TRPM1: variants seen among roughly 807,000 people sequenced by gnomAD.
The protein encoded by TRPM1 is transient receptor potential cation channel subfamily M member 1.
A neutral mutation model predicts 149.4 loss-of-function variants in TRPM1; 113 were observed. The ratio of observed to expected loss-of-function variants is 0.76; its 90% CI spans 0.65 to 0.88. The LOEUF (loss-of-function observed/expected upper bound fraction) is 0.88, where lower values mean the gene tolerates loss of function less well. Among genes scored for constraint, TRPM1 ranks in the 40% least tolerant of loss-of-function variants. The pLI, the probability that TRPM1 is intolerant of heterozygous loss-of-function variation, is 0.00. For missense variants in TRPM1, 1,976 were observed against 2,038.7 expected, an observed-to-expected ratio of 0.97 and a Z score of 0.59; for synonymous variants, 741 against 759.5, an observed-to-expected ratio of 0.98 and a Z score of 0.40.
chr15:31,047,869 T>C lies in TRPM1; in HGVS notation c.1623+20A>G, dbSNP rs1346108279. The C allele has an allele frequency of 5.6e-6, 9 of 1,603,320 alleles. No homozygotes were observed. The highest frequency in any genetic ancestry group is 1.7e-5 in the Admixed American group (1 of 60,008). On this transcript the variant is annotated intron_variant, in intron 14 of 27. Coordinates refer to ENST00000256552, the MANE Select transcript of TRPM1 (RefSeq NM_001252024.2). The stretch of plus-strand genomic sequence containing the variant: ...TGTGAAAGATGCCAACAGGTAAGAA[T>C]TGTAAAACAGTAGACTGACCTTTTT...
chr15:31,026,108 C>A, intron 27 of TRPM1, 31 bp downstream of exon 27: 1 of 1,608,128 alleles, frequency 6.2e-7, no homozygotes, highest in South Asian at 1.1e-5. Context: ...ACCCTTGGCT[C>A]ACGGGCCCGC....
In TRPM1 at chr15:31,002,172, T is replaced by A. The variant is rs772139291; in HGVS notation, c.4528A>T (p.Ile1510Phe). 6.2e-7 allele frequency: 1 copy of A among 1,614,080 alleles called. No individual in the cohort carries two copies. Among genetic ancestry groups the A allele is most frequent in the South Asian group, 1.1e-5 (1 of 91,088 alleles). ...GCTTGCACTGCAGCTTCCGACACAA[T>A]GTAAGGAATATCTGTGCTATGAGAG... is the stretch of plus-strand genomic sequence containing the variant. ...TRSHSTDIPYIVSEAAVQAEH... is the reference protein window; with the variant it reads ...TRSHSTDIPYFVSEAAVQAEH... The change falls in exon 28 of 28, where the codon ATT becomes TTT. Residue 1510 changes from isoleucine (I) to phenylalanine (F), a missense_variant. By Grantham distance (21) the Ile-to-Phe change is conservative. This residue lies in a region of TRPM1 where 572 missense variants were observed against 578.9 expected (regional missense o/e 0.99). Coordinates refer to ENST00000256552, the MANE Select transcript of TRPM1 (RefSeq NM_001252024.2).
chr15:31,042,331 TG>T, intron 16 of TRPM1, 88 bp from the exon 17 acceptor site: 11 of 1,397,856 alleles, frequency 7.9e-6, no homozygotes, highest in South Asian at 1.2e-5. Flanking sequence ...GAACCCTTTC[TG>T]TCAGAGGTAA....
chr15:31,039,497 A>G (rs758111679), intron 18 of TRPM1, among the ~76,000 whole-genome samples: 1 of 152,190 alleles, frequency 6.6e-6, no homozygotes, highest in Non-Finnish European at 1.5e-5. Flanking sequence ...TAAAATAGAT[A>G]TAATACTGCC....
Position 31,042,153 on chromosome 15 carries a change from G to T in TRPM1, c.1885C>A (p.Arg629=). The T allele has an allele frequency of 6.2e-7, 1 of 1,614,144 alleles. No individual in the cohort carries two copies. Among genetic ancestry groups the T allele is most frequent in the Non-Finnish European group, 8.5e-7 (1 of 1,180,018 alleles). ...AGCTCGTGGAAGGGATACTGGAACC[G>T]ACTCACGGCAGGGTCGTCCACATCA... ...DIDVDDPAVS[R]FQYPFHELMV... Residue 629 remains arginine, a synonymous_variant, in exon 17 of 28, where the codon CGG becomes AGG. Transcript: ENST00000256552.
intron 9 of TRPM1, among the ~76,000 whole-genome samples, chr15:31,061,911 C>T (rs1596028565): frequency 1.3e-5 from 2 of 152,294 alleles, no homozygotes; most frequent in South Asian, 2.1e-4. Context: ...CGGTCTCAAA[C>T]TCCTGACCTC....
chr15:31,071,982 T>C (rs1450044259), intron 3 of TRPM1, among the ~76,000 whole-genome samples: 16 of 67,142 alleles, frequency 2.4e-4, no homozygotes, highest in African/African-American at 9.6e-4. Context: ...AAAAAAAACA[T>C]ATATATATAT....
chr15:31,152,217 T>C (rs756677373), intron 1 of TRPM1, among the ~76,000 whole-genome samples: 2 of 152,228 alleles, frequency 1.3e-5, no homozygotes, highest in African/African-American at 2.4e-5. Context: ...TGCTCAGGCA[T>C]GGGCATGGAT....
At chr15:31,012,654 T>C (rs928024304) in intron 27 of TRPM1, among the ~76,000 whole-genome samples, 1 of 152,202 alleles carries the variant, frequency 6.6e-6, no homozygotes, top group Non-Finnish European at 1.5e-5. Flanking sequence ...ATTCGTATCT[T>C]TCATTAAATT....
intron 1 of TRPM1, among the ~76,000 whole-genome samples, chr15:31,087,179 A>G (rs1204503236): frequency 6.6e-6 from 1 of 151,374 alleles, no homozygotes; most frequent in Non-Finnish European, 1.5e-5. Flanking sequence ...TTCCTCGAAA[A>G]TGAAACACAG....
intron 1 of TRPM1, among the ~76,000 whole-genome samples, chr15:31,155,793 G>C (rs2036365649): frequency 6.6e-6 from 1 of 152,062 alleles, no homozygotes; most frequent in South Asian, 2.1e-4. Context: ...TAAGGGACTG[G>C]GGAGTCATGC....
Position 31,042,197 on chromosome 15 carries a change from T to A in TRPM1, c.1841A>T (p.Lys614Met), listed in dbSNP as rs767619856. 3.7e-6 allele frequency: 6 copies of A among 1,608,638 alleles called. No homozygotes were observed. Among genetic ancestry groups the A allele is most frequent in the Non-Finnish European group, 5.1e-6 (6 of 1,177,406 alleles). The change falls in exon 17 of 28, where the codon AAG becomes ATG. Residue 614 changes from lysine (K) to methionine (M), a missense_variant. Physicochemically the swap from Lys to Met is moderately conservative, Grantham distance 95. Transcript: ENST00000256552. ...AKGKKKKKKK[K>M]EEEIDIDVDD... ...CACATCAATGTCGATCTCTTCCTCC[T>A]TTTTCTTCTTTTTCTTTTTCTTCCC...
At chr15:31,091,322 G>C (rs2035231355) in intron 1 of TRPM1, among the ~76,000 whole-genome samples, 1 of 152,242 alleles carries the variant, frequency 6.6e-6, no homozygotes, top group African/African-American at 2.4e-5. Context: ...CAAGGCTTTT[G>C]CAAGTATTTG....
chr15:31,111,790 T>C (rs1207504628), intron 1 of TRPM1, among the ~76,000 whole-genome samples: 1 of 152,184 alleles, frequency 6.6e-6, no homozygotes, highest in Non-Finnish European at 1.5e-5. Context: ...AGTCTTCAAG[T>C]TGATCTCCTG....
At chr15:31,046,162 G>C (rs1365626852) in intron 16 of TRPM1, 42 bp downstream of exon 16, 1 of 1,600,320 alleles carries the variant, frequency 6.2e-7, no homozygotes, top group Non-Finnish European at 8.6e-7. Context: ...ATGTATATTT[G>C]ACCAGGATAT....
At chr15:31,043,413 C>T (rs878860696) in intron 16 of TRPM1, among the ~76,000 whole-genome samples, 1 of 151,910 alleles carries the variant, frequency 6.6e-6, no homozygotes, top group East Asian at 1.9e-4. Flanking sequence ...AGGATGGTCT[C>T]GATCTCCTGA....
At chr15:31,140,983 A>G (rs1417682348) in intron 1 of TRPM1, among the ~76,000 whole-genome samples, 1 of 149,552 alleles carries the variant, frequency 6.7e-6, no homozygotes, top group Non-Finnish European at 1.5e-5. Context: ...CACTGCATCC[A>G]GCTAATTTTT....
intron 27 of TRPM1, among the ~76,000 whole-genome samples, chr15:31,025,790 C>A (rs1004730720): frequency 6.6e-6 from 1 of 152,202 alleles, no homozygotes; most frequent in South Asian, 2.1e-4. Flanking sequence ...GAGGACCATG[C>A]TCGCAAAGGG....
chr15:31,161,024 G>A (rs919034184), exon 1 of TRPM1: 3 of 1,487,658 alleles, frequency 2.0e-6, no homozygotes, highest in Admixed American at 2.0e-5. Context: ...GTGGCACAGG[G>A]GCTGCCCTCC....
Sources: gnomAD v4.1 joint callset for allele counts (sites outside exome capture counted in the v4.1 genomes callset) on GRCh38, gnomAD v4.1.1 for gene constraint, gnomAD v4.1.1 regional missense constraint, MANE v1.5 for transcripts, NCBI Gene and HGNC (gene_info 2026-07-23, HGNC 2026-07-21) for gene names.